NAALADL2: variants seen among roughly 807,000 people sequenced by gnomAD.
NAALADL2 encodes inactive N-acetylated-alpha-linked acidic dipeptidase-like protein 2.
Under a neutral mutation model 87.2 loss-of-function variants are expected in NAALADL2, and 76 were observed. The ratio of observed to expected loss-of-function variants is 0.87; its 90% CI spans 0.72 to 1.05. NAALADL2 has a LOEUF of 1.05. Among genes scored for constraint, NAALADL2 ranks in the 50% least tolerant of loss-of-function variants. The pLI is 0.00. For missense variants in NAALADL2, 1,089 were observed against 945.8 expected (o/e 1.15, Z -1.99); for synonymous variants, 354 against 331.0 (o/e 1.07, Z -0.75).
intron 4 of NAALADL2, among the ~76,000 whole-genome samples, chr3:175,288,372 G>A (rs1434170226): frequency 6.6e-6 from 1 of 152,106 alleles, no homozygotes; most frequent in Non-Finnish European, 1.5e-5. Context: ...TTAATCTCAT[G>A]GGAAAGCAGC....
intron 6 of NAALADL2, among the ~76,000 whole-genome samples, chr3:175,463,185 A>G (rs1427007549): frequency 3.9e-5 from 6 of 152,202 alleles, no homozygotes; most frequent in Admixed American, 3.9e-4. Context: ...GAGGCTAGCA[A>G]TTGTATCTTA....
chr3:174,705,580 C>T (rs1410789362), intron 2 of NAALADL2, among the ~76,000 whole-genome samples: 10 of 151,870 alleles, frequency 6.6e-5, no homozygotes, highest in African/African-American at 1.9e-4. Flanking sequence ...GTCAGGAGAT[C>T]GAGACCATCC....
chr3:174,547,929 T>C (rs546554869), intron 1 of NAALADL2, among the ~76,000 whole-genome samples: 1 of 152,218 alleles, frequency 6.6e-6, no homozygotes, highest in African/African-American at 2.4e-5. Flanking sequence ...TTGTACCTCA[T>C]TGATGTCATC....
intron 4 of NAALADL2, among the ~76,000 whole-genome samples, chr3:175,266,624 T>C (rs1308529026): frequency 1.3e-5 from 2 of 151,750 alleles, no homozygotes; most frequent in African/African-American, 4.8e-5. Flanking sequence ...AATACTCCTA[T>C]TAAACTCCTT....
intron 1 of NAALADL2, among the ~76,000 whole-genome samples, chr3:174,887,783 G>A (rs563410695): frequency 6.0e-5 from 9 of 150,880 alleles, no homozygotes; most frequent in African/African-American, 2.2e-4. Flanking sequence ...GCAACAGAGC[G>A]ATACCCTGTC....
At chr3:175,005,604 G>T (rs746942065) in intron 1 of NAALADL2, among the ~76,000 whole-genome samples, 2 of 152,086 alleles carry the variant, frequency 1.3e-5, no homozygotes, top group Non-Finnish European at 2.9e-5. Flanking sequence ...AGTATAAGGG[G>T]CATAGAAGAG....
intron 2 of NAALADL2, among the ~76,000 whole-genome samples, chr3:174,703,245 T>A (rs1015421033): frequency 3.3e-5 from 5 of 151,818 alleles, no homozygotes; most frequent in Admixed American, 1.3e-4. Flanking sequence ...GCTCAAGTGA[T>A]CCTTCCACCT....
intron 3 of NAALADL2, among the ~76,000 whole-genome samples, chr3:174,739,584 C>G (rs903811938): frequency 6.6e-6 from 1 of 152,040 alleles, no homozygotes; most frequent in Non-Finnish European, 1.5e-5. Context: ...GTATATTATA[C>G]AAAGCATGCA....
chr3:175,390,376 T>C (rs916493669), intron 5 of NAALADL2, among the ~76,000 whole-genome samples: 4 of 152,210 alleles, frequency 2.6e-5, no homozygotes, highest in Admixed American at 1.3e-4. Context: ...ATATTCAATA[T>C]AACCAGCAAG....
At chr3:174,714,772 A>G (rs1419381791) in intron 2 of NAALADL2, among the ~76,000 whole-genome samples, 1 of 152,090 alleles carries the variant, frequency 6.6e-6, no homozygotes, top group Non-Finnish European at 1.5e-5. Context: ...CTCTTTTCCT[A>G]ATTGAATATC....
chr3:175,299,725 T>G (rs888006375), intron 4 of NAALADL2, among the ~76,000 whole-genome samples: 1 of 152,132 alleles, frequency 6.6e-6, no homozygotes, highest in Admixed American at 6.6e-5. Context: ...AAATATGTTG[T>G]CTCCAAACAG....
intron 2 of NAALADL2, among the ~76,000 whole-genome samples, chr3:174,606,433 A>AT (rs2108624946): frequency 6.6e-6 from 1 of 152,284 alleles, no homozygotes; most frequent in Non-Finnish European, 1.5e-5. Context: ...AAAAATTTAG[A>AT]CGAATGTATA....
intron 1 of NAALADL2, among the ~76,000 whole-genome samples, chr3:174,986,414 ATT>A (rs1203321999): frequency 6.6e-6 from 1 of 151,006 alleles, no homozygotes; most frequent in Non-Finnish European, 1.5e-5. Flanking sequence ...ATGTTGTTAT[ATT>A]TTGTTATGTT....
intron 9 of NAALADL2, among the ~76,000 whole-genome samples, chr3:175,532,897 G>T (rs545233565): frequency 6.6e-6 from 1 of 152,170 alleles, no homozygotes; most frequent in African/African-American, 2.4e-5. Context: ...TTGGTCAAGG[G>T]TATATCTTCT....
chr3:174,982,798 TAA>T (rs145683208), intron 1 of NAALADL2, among the ~76,000 whole-genome samples: 8 of 146,050 alleles, frequency 5.5e-5, no homozygotes, highest in African/African-American at 1.9e-4. Flanking sequence ...GTAACCAGGT[TAA>T]AATTTTTTTT....
At chr3:175,648,912 T>G (rs1423657132) in intron 11 of NAALADL2, among the ~76,000 whole-genome samples, 1 of 152,232 alleles carries the variant, frequency 6.6e-6, no homozygotes, top group African/African-American at 2.4e-5. Flanking sequence ...GTCCCTTTTG[T>G]AGACTAGTTA....
At chr3:175,636,629 C>T (rs1474895173) in intron 11 of NAALADL2, among the ~76,000 whole-genome samples, 5 of 143,126 alleles carry the variant, frequency 3.5e-5, no homozygotes, top group African/African-American at 7.8e-5. Flanking sequence ...ACCTGGGAGG[C>T]GGAGGTTGCA....
intron 11 of NAALADL2, among the ~76,000 whole-genome samples, chr3:175,721,094 G>C (rs1052690116): frequency 3.9e-5 from 6 of 152,028 alleles, no homozygotes; most frequent in African/African-American, 1.4e-4. Flanking sequence ...AGAAAAAGAA[G>C]GGCTTTAATG....
intron 10 of NAALADL2, among the ~76,000 whole-genome samples, chr3:175,588,536 T>C (rs1206706132): frequency 1.4e-4 from 16 of 117,628 alleles, no homozygotes; most frequent in Non-Finnish European, 2.4e-4. Flanking sequence ...TTTCTTTTCT[T>C]TTTTTTTTTT....
Sources: allele counts gnomAD v4.1 joint callset (sites outside exome capture counted in the v4.1 genomes callset), GRCh38; gene constraint gnomAD v4.1.1; transcripts MANE v1.5; gene names NCBI Gene and HGNC (gene_info 2026-07-23, HGNC 2026-07-21).